Variants in DIP2C observed in about 807,000 individuals in gnomAD.
DIP2C encodes the protein DIP2 acetate--CoA ligase C (putative).
Under a neutral mutation model 192.4 loss-of-function variants are expected in DIP2C, and 33 were observed. That is an observed-to-expected ratio of 0.17 (90% CI 0.13 to 0.23). The LOEUF (loss-of-function observed/expected upper bound fraction) is 0.23. Ranked by LOEUF, DIP2C falls within the 10% of genes least tolerant of loss-of-function variation. DIP2C has a pLI of 1.00. For missense variants in DIP2C, 1,537 were observed against 2,110.1 expected, an observed-to-expected ratio of 0.73 and a Z score of 5.32; for synonymous variants, 979 against 864.1, an observed-to-expected ratio of 1.13 and a Z score of -2.33.
intron 29 of DIP2C, among the ~76,000 whole-genome samples, chr10:338,750 C>G (rs1342110463): frequency 6.6e-6 from 1 of 152,190 alleles, no homozygotes; most frequent in Non-Finnish European, 1.5e-5. Flanking sequence ...CTGACTCCCC[C>G]ACGCTGCACC....
At chr10:662,713 C>A in intron 1 of DIP2C, 2 of 568,868 alleles carry the variant, frequency 3.5e-6, no homozygotes, top group Non-Finnish European at 3.2e-6. Flanking sequence ...AAAATATATA[C>A]AATGTTTGAG....
chr10:283,678 C>G (rs576602338), intron 34 of DIP2C, among the ~76,000 whole-genome samples: 1 of 152,174 alleles, frequency 6.6e-6, no homozygotes, highest in Admixed American at 6.5e-5. Flanking sequence ...CAAGGCATCC[C>G]TATGGGGAAC....
intron 1 of DIP2C, among the ~76,000 whole-genome samples, chr10:688,549 G>A (rs896785660): frequency 6.6e-6 from 1 of 152,066 alleles, no homozygotes; most frequent in African/African-American, 2.4e-5. Flanking sequence ...ATAAATGTGA[G>A]ACGCGCCGGC....
intron 17 of DIP2C, among the ~76,000 whole-genome samples, chr10:376,654 A>T (rs1352144733): frequency 6.6e-6 from 1 of 151,466 alleles, no homozygotes; most frequent in African/African-American, 2.4e-5. Flanking sequence ...ATCAGCCCTG[A>T]TGAAGGTGCC....
chr10:380,621 C>T (rs1317807092), intron 17 of DIP2C, among the ~76,000 whole-genome samples: 1 of 152,202 alleles, frequency 6.6e-6, no homozygotes, highest in Non-Finnish European at 1.5e-5. Context: ...ATGTAGCAGC[C>T]GAACACTTGT....
intron 19 of DIP2C, chr10:364,912 AC>A (rs1960006750): frequency 7.2e-6 from 4 of 559,240 alleles, no homozygotes; most frequent in Admixed American, 4.5e-5. Flanking sequence ...TTACAAAACC[AC>A]AATGTAAAAG....
intron 3 of DIP2C, among the ~76,000 whole-genome samples, chr10:451,195 C>T (rs900938515): frequency 6.6e-6 from 1 of 152,202 alleles, no homozygotes; most frequent in African/African-American, 2.4e-5. Flanking sequence ...GCTCCCACAG[C>T]CTGAACAGAT....
rs1163811677 is a variant in DIP2C, at chr10:526,937, A to G, written c.86-40407T>C. Among the ~76,000 whole-genome samples, 3 of 152,178 alleles carry G rather than the reference A, an allele frequency of 2.0e-5. No individual in the cohort carries two copies. In the East Asian group the frequency reaches 5.8e-4, roughly 29 times the overall value. On this transcript the variant is annotated intron_variant, in intron 1 of 36. Coordinates refer to ENST00000280886, the MANE Select transcript of DIP2C (RefSeq NM_014974.3). The stretch of plus-strand genomic sequence containing the variant: ...GTCCAGGTGCATCAGGCAGCAAGCA[A>G]CTCATCCAAGTCTGTTTAGAAACCA...
chr10:384,526 C>T lies in DIP2C; in HGVS notation c.1756+20G>A. On this transcript the variant is annotated intron_variant, in intron 15 of 36. Transcript: ENST00000280886. ...GCGCTGGGATTACAGGTGTGAGCCA[C>T]TGCGCCCGGCGAGACCCACCTTTGT... 6.2e-7 allele frequency: 1 copy of T among 1,612,496 alleles called. No individual in the cohort carries two copies. Among genetic ancestry groups the T allele is most frequent in the Non-Finnish European group, 8.5e-7 (1 of 1,179,524 alleles).
chr10:619,339 G>A (rs182579563), intron 1 of DIP2C, among the ~76,000 whole-genome samples: 19 of 152,312 alleles, frequency 1.2e-4, no homozygotes, highest in Admixed American at 2.6e-4. Context: ...ACCAGCTAAC[G>A]TCGAGATGTC....
chr10:306,269 A>G (rs1416456587), intron 32 of DIP2C, among the ~76,000 whole-genome samples: 14 of 152,096 alleles, frequency 9.2e-5, no homozygotes, highest in African/African-American at 1.9e-4. Flanking sequence ...AGATGCAGGC[A>G]GGTCCCACCC....
At chr10:564,134 G>C (rs1043989143) in intron 1 of DIP2C, among the ~76,000 whole-genome samples, 2 of 152,130 alleles carry the variant, frequency 1.3e-5, no homozygotes, top group Non-Finnish European at 2.9e-5. Flanking sequence ...CAAATTCTCA[G>C]ACCCTGTGAG....
intron 1 of DIP2C, among the ~76,000 whole-genome samples, chr10:584,592 C>T (rs1214615115): frequency 8.5e-6 from 1 of 117,942 alleles, no homozygotes; most frequent in East Asian, 2.8e-4. Flanking sequence ...CCCACTCACG[C>T]GCATCACCTC....
At chr10:569,535 CTT>C (rs1243902147) in intron 1 of DIP2C, among the ~76,000 whole-genome samples, 2 of 152,120 alleles carry the variant, frequency 1.3e-5, no homozygotes, top group African/African-American at 2.4e-5. Context: ...TGTGTGGCCT[CTT>C]AAAGTGATCA....
chr10:445,116 T>C (rs1968054399), intron 3 of DIP2C, among the ~76,000 whole-genome samples: 1 of 152,240 alleles, frequency 6.6e-6, no homozygotes, highest in Admixed American at 6.5e-5. Flanking sequence ...TGGAACCTCA[T>C]GGGTTTAAGT....
chr10:481,979 A>G (rs1274217693), intron 2 of DIP2C, among the ~76,000 whole-genome samples: 4 of 152,124 alleles, frequency 2.6e-5, no homozygotes, highest in Non-Finnish European at 5.9e-5. Context: ...TGGGGTGGAG[A>G]CTTAGCGTTT....
intron 4 of DIP2C, among the ~76,000 whole-genome samples, chr10:424,116 C>G (rs1281547985): frequency 1.3e-5 from 2 of 152,210 alleles, no homozygotes; most frequent in Non-Finnish European, 2.9e-5. Flanking sequence ...AGAATCCTAC[C>G]TCCAGGTGAG....
intron 1 of DIP2C, among the ~76,000 whole-genome samples, chr10:495,464 GA>G: frequency 6.6e-6 from 1 of 151,682 alleles, no homozygotes; most frequent in Non-Finnish European, 1.5e-5. Context: ...GAAGGGGCAG[GA>G]AAAAAACCTG....
At chr10:423,159 A>C in intron 4 of DIP2C, 126 bp from the exon 5 acceptor site, 2 of 904,122 alleles carry the variant, frequency 2.2e-6, no homozygotes, top group East Asian at 2.6e-5. Flanking sequence ...TTTTTGATAC[A>C]CTCTTGAGAA....
Sources: allele counts gnomAD v4.1 joint callset (sites outside exome capture counted in the v4.1 genomes callset), GRCh38; gene constraint gnomAD v4.1.1; transcripts MANE v1.5; gene names NCBI Gene and HGNC (gene_info 2026-07-23, HGNC 2026-07-21).